Variants in DGKB observed in about 807,000 individuals in gnomAD.
DGKB encodes the protein diacylglycerol kinase beta.
A neutral mutation model predicts 114.3 loss-of-function variants in DGKB; 67 were observed. That is an observed-to-expected ratio of 0.59 (90% CI 0.48 to 0.72). The LOEUF is 0.72. Ranked by LOEUF, DGKB falls within the 30% of genes least tolerant of loss-of-function variation. The probability of loss-of-function intolerance (pLI) is 0.00; values close to 1 mark genes in which losing one functional copy is unlikely to be tolerated. For missense variants in DGKB, 907 were observed against 975.2 expected (o/e 0.93, Z 0.93); for synonymous variants, 398 against 323.1 (o/e 1.23, Z -2.49).
At chr7:14,296,116 C>A (rs1333785581) in intron 23 of DGKB, among the ~76,000 whole-genome samples, 5 of 151,552 alleles carry the variant, frequency 3.3e-5, no homozygotes, top group Non-Finnish European at 7.4e-5. Flanking sequence ...ACTGCAACCT[C>A]CACCTCCCAG....
chr7:14,244,756 T>A (rs1794223225), intron 23 of DGKB, among the ~76,000 whole-genome samples: 1 of 151,062 alleles, frequency 6.6e-6, no homozygotes, highest in African/African-American at 2.4e-5. Flanking sequence ...GACTGGTCCC[T>A]TTCCAGAGAG....
intron 21 of DGKB, among the ~76,000 whole-genome samples, chr7:14,412,472 A>T (rs557188030): frequency 1.3e-5 from 2 of 152,164 alleles, no homozygotes; most frequent in African/African-American, 4.8e-5. Flanking sequence ...CATAGCAAAA[A>T]GGGGAGGAAA....
intron 20 of DGKB, among the ~76,000 whole-genome samples, chr7:14,516,462 T>C (rs902319006): frequency 1.3e-5 from 2 of 152,190 alleles, no homozygotes; most frequent in African/African-American, 4.8e-5. Context: ...TGATCTGGAA[T>C]AAGCCATTCA....
intron 1 of DGKB, among the ~76,000 whole-genome samples, chr7:14,855,348 T>C (rs561734667): frequency 1.3e-5 from 2 of 152,326 alleles, no homozygotes; most frequent in South Asian, 4.1e-4. Flanking sequence ...ATATCCCTTC[T>C]ACTTAGGTAT....
intron 21 of DGKB, among the ~76,000 whole-genome samples, chr7:14,441,532 C>G (rs188849062): frequency 5.3e-5 from 8 of 152,102 alleles, no homozygotes; most frequent in South Asian, 4.1e-4. Context: ...TTTTGTCTTG[C>G]TTAAGACATT....
chr7:14,268,116 C>G (rs1797771375), intron 23 of DGKB, among the ~76,000 whole-genome samples: 1 of 152,046 alleles, frequency 6.6e-6, no homozygotes, highest in African/African-American at 2.4e-5. Flanking sequence ...TACTATCTAG[C>G]TCACTGATCT....
chr7:14,920,425 G>A (rs562484009), intron 1 of DGKB, among the ~76,000 whole-genome samples: 18 of 152,288 alleles, frequency 1.2e-4, no homozygotes, highest in African/African-American at 3.4e-4. Context: ...TTAGGTAACT[G>A]CAAATTATAA....
At chr7:14,637,210 A>G (rs1396632410) in intron 13 of DGKB, among the ~76,000 whole-genome samples, 1 of 152,024 alleles carries the variant, frequency 6.6e-6, no homozygotes, top group Non-Finnish European at 1.5e-5. Context: ...AACTGTTAAC[A>G]TAAAAATTTC....
intron 23 of DGKB, among the ~76,000 whole-genome samples, chr7:14,315,410 T>C (rs1461950896): frequency 6.6e-6 from 1 of 150,388 alleles, no homozygotes; most frequent in Non-Finnish European, 1.5e-5. Flanking sequence ...GAGACACACA[T>C]GGGCTCAAAA....
intron 13 of DGKB, among the ~76,000 whole-genome samples, chr7:14,648,612 T>C (rs1225838575): frequency 2.0e-5 from 3 of 152,090 alleles, no homozygotes; most frequent in Non-Finnish European, 2.9e-5. Flanking sequence ...AGGAATGCAG[T>C]TCCTCACCAG....
chr7:14,643,044 A>G (rs749052417), intron 13 of DGKB, among the ~76,000 whole-genome samples: 6 of 152,198 alleles, frequency 3.9e-5, no homozygotes, highest in Non-Finnish European at 7.3e-5. Flanking sequence ...GGGCCACAAC[A>G]GCAAATAAAT....
chr7:14,682,661 G>A lies in DGKB; in HGVS notation c.927C>T (p.His309=). 1.2e-6 allele frequency: 2 copies of A among 1,612,828 alleles called. No homozygotes were observed. The highest frequency in any genetic ancestry group is 1.7e-6 in the Non-Finnish European group (2 of 1,179,008). The part of the protein sequence containing the change: ...VKSKRNTDVM[H]HYWVEGNCPT... ...GGCAGTTACCTTCAACCCAGTAATG[G>A]TGCATGACCTAGAACAGAATGACAA... Residue 309 remains histidine (H), a synonymous_variant, in exon 12 of 26, where the codon CAC becomes CAT. Coordinates refer to ENST00000402815, the MANE Select transcript of DGKB (RefSeq NM_001350709.2).
At chr7:14,926,355 T>C (rs1439960132) in intron 1 of DGKB, among the ~76,000 whole-genome samples, 1 of 152,028 alleles carries the variant, frequency 6.6e-6, no homozygotes, top group Non-Finnish European at 1.5e-5. Flanking sequence ...TTGCTTTTGA[T>C]ATATAATGAG....
intron 20 of DGKB, among the ~76,000 whole-genome samples, chr7:14,479,343 C>G (rs182463630): frequency 6.6e-6 from 1 of 152,174 alleles, no homozygotes; most frequent in Admixed American, 6.5e-5. Flanking sequence ...AGAGAGGGAC[C>G]AATGCCCACT....
intron 1 of DGKB, among the ~76,000 whole-genome samples, chr7:14,847,259 C>G (rs1394608271): frequency 6.7e-6 from 1 of 148,286 alleles, no homozygotes; most frequent in African/African-American, 2.5e-5. Context: ...CCACTGCACT[C>G]CAGCCTGGGC....
At chr7:14,515,801 T>A (rs1425725785) in intron 20 of DGKB, among the ~76,000 whole-genome samples, 1 of 152,298 alleles carries the variant, frequency 6.6e-6, no homozygotes, top group Non-Finnish European at 1.5e-5. Context: ...ATTACAGAAC[T>A]ATAAGAGGAC....
At chr7:14,188,997 A>T (rs1460950193) in intron 23 of DGKB, among the ~76,000 whole-genome samples, 2 of 152,204 alleles carry the variant, frequency 1.3e-5, no homozygotes, top group Admixed American at 1.3e-4. Flanking sequence ...AGCTAAGGGA[A>T]TTCATTACCA....
intron 1 of DGKB, among the ~76,000 whole-genome samples, chr7:14,856,304 A>G (rs148501734): frequency 4.4e-4 from 67 of 152,282 alleles, no homozygotes; most frequent in African/African-American, 1.6e-3. Flanking sequence ...ATCCTTTGAA[A>G]TAAGATTCTC....
rs139461270 is a variant in DGKB, at chr7:14,782,573, G to A, written c.71-24842C>T. On this transcript the variant is annotated intron_variant, in intron 2 of 25. Transcript: ENST00000402815. ...TTAACTTCTTGGAAAAATTCATGGC[G>A]AAGGGATCAGAGGAAAAAGAAGACA... Among the ~76,000 whole-genome samples the A allele has an allele frequency of 1.2e-3, 189 of 152,138 alleles. 1 individual carries two copies. The highest frequency in any genetic ancestry group is 3.4e-3 in the Middle Eastern group (1 of 294).
Sources: gnomAD v4.1 joint callset for allele counts (sites outside exome capture counted in the v4.1 genomes callset) on GRCh38, gnomAD v4.1.1 for gene constraint, MANE v1.5 for transcripts, NCBI Gene and HGNC (gene_info 2026-07-23, HGNC 2026-07-21) for gene names.